KCNH5: variants seen among roughly 807,000 people sequenced by gnomAD.
KCNH5 encodes the protein voltage-gated delayed rectifier potassium channel KCNH5.
In KCNH5, 46 loss-of-function variants were observed where a neutral mutation model predicts 96.1. The observed-to-expected ratio is 0.48, with a 90% CI of 0.38 to 0.61. The LOEUF (loss-of-function observed/expected upper bound fraction) is 0.61. Ranked by LOEUF, KCNH5 falls within the 20% of genes least tolerant of loss-of-function variation. The probability of loss-of-function intolerance (pLI) is 0.00; values close to 1 mark genes in which losing one functional copy is unlikely to be tolerated. For missense variants in KCNH5, 907 were observed against 1,225.8 expected (o/e 0.74, Z 3.88); for synonymous variants, 439 against 449.8 (o/e 0.98, Z 0.30).
At chr14:62,950,868 A>G (rs1239390689) in intron 6 of KCNH5, among the ~76,000 whole-genome samples, 1 of 152,172 alleles carries the variant, frequency 6.6e-6, no homozygotes, top group African/African-American at 2.4e-5. Context: ...GAAGATGAAA[A>G]TTGCTCAAAT....
intron 9 of KCNH5, among the ~76,000 whole-genome samples, chr14:62,781,008 GA>G (rs528471948): frequency 4.1e-5 from 6 of 147,616 alleles, no homozygotes; most frequent in Admixed American, 1.4e-4. Flanking sequence ...GAACTAACAG[GA>G]AAAAAAAAAG....
chr14:62,751,573 GTGCCCAAGGCATGAATTTCTTATAATTCA>G (rs1169697763), intron 10 of KCNH5, among the ~76,000 whole-genome samples: 2 of 152,142 alleles, frequency 1.3e-5, no homozygotes, highest in Non-Finnish European at 2.9e-5. Context: ...TTCTAACAGT[GTGCCCAAGGCATGAATTTCTTATAATTCA>G]TGCCCAAGGC....
intron 7 of KCNH5, among the ~76,000 whole-genome samples, chr14:62,903,245 C>G (rs887107109): frequency 7.2e-5 from 11 of 152,230 alleles, no homozygotes; most frequent in African/African-American, 2.6e-4. Context: ...ACTTCTCAAA[C>G]CACAACCTTC....
chr14:62,975,055 C>T (rs1273418280), intron 6 of KCNH5, among the ~76,000 whole-genome samples: 1 of 152,152 alleles, frequency 6.6e-6, no homozygotes, highest in African/African-American at 2.4e-5. Context: ...TTTAGCTATA[C>T]ACTCCTTTCC....
chr14:62,708,477 C>T (rs2139899716), intron 10 of KCNH5, 22 bp from the exon 11 acceptor site: 1 of 1,484,340 alleles, frequency 6.7e-7, no homozygotes, highest in Non-Finnish European at 9.2e-7. Context: ...GAGAGATAGT[C>T]ACAGCCTGAT....
At chr14:62,708,559 G>T in intron 10 of KCNH5, 104 bp from the exon 11 acceptor site, 1 of 645,902 alleles carries the variant, frequency 1.5e-6, no homozygotes, top group Non-Finnish European at 2.4e-6. Context: ...GAAAACCCTT[G>T]AATATTTGAT....
rs1285338464 is a variant in KCNH5, at chr14:62,700,271, T to C, written c.*7237A>G. ...CTCTTTCAACAAACTACAATGGATG[T>C]TTTAGGGTAAAAAAATGGTTCTAAA... On this transcript the variant is annotated 3_prime_UTR_variant, in exon 11 of 11. Transcript: ENST00000322893. 2 of 152,146 alleles carry C rather than the reference T, an allele frequency of 1.3e-5. No individual in the cohort carries two copies. Among genetic ancestry groups the C allele is most frequent in the Non-Finnish European group, 2.9e-5 (2 of 68,006 alleles). The allele number at this position is 152,146 out of a possible 1,614,324, so 9.4% of individuals were successfully genotyped here.
chr14:62,908,366 C>G (rs896824673), intron 7 of KCNH5, among the ~76,000 whole-genome samples: 1 of 152,180 alleles, frequency 6.6e-6, no homozygotes, highest in Non-Finnish European at 1.5e-5. Context: ...AATCACCTTC[C>G]TGCTTCCTGT....
chr14:63,021,550 T>C (rs1368870861), intron 1 of KCNH5, among the ~76,000 whole-genome samples: 2 of 152,162 alleles, frequency 1.3e-5, no homozygotes, highest in African/African-American at 4.8e-5. Flanking sequence ...CCACTCAGCC[T>C]ACATCTCCTC....
chr14:62,751,061 T>C (rs557782457), intron 10 of KCNH5, among the ~76,000 whole-genome samples: 81 of 152,248 alleles, frequency 5.3e-4, no homozygotes, highest in African/African-American at 1.9e-3. Context: ...GGATTCAAAG[T>C]TTGGCATACT....
chr14:62,977,240 G>A (rs1373006523), intron 6 of KCNH5, among the ~76,000 whole-genome samples: 1 of 151,936 alleles, frequency 6.6e-6, no homozygotes, highest in Non-Finnish European at 1.5e-5. Context: ...GGTGGTGCGC[G>A]CCTCTAGTCC....
At chr14:62,867,900 GA>G (rs1327433335) in intron 7 of KCNH5, among the ~76,000 whole-genome samples, 1 of 152,130 alleles carries the variant, frequency 6.6e-6, no homozygotes, top group African/African-American at 2.4e-5. Flanking sequence ...GTCTAAAACA[GA>G]AACCCCCTTA....
intron 10 of KCNH5, among the ~76,000 whole-genome samples, chr14:62,721,794 C>A (rs544581412): frequency 6.6e-6 from 1 of 152,244 alleles, no homozygotes; most frequent in East Asian, 1.9e-4. Context: ...ATATTGTTTT[C>A]CACCCTTTTC....
intron 6 of KCNH5, among the ~76,000 whole-genome samples, chr14:62,955,463 A>G (rs1459065563): frequency 6.6e-6 from 1 of 152,240 alleles, no homozygotes; most frequent in Non-Finnish European, 1.5e-5. Context: ...CCTATGTGGT[A>G]CCTATCATTA....
At chr14:62,759,198 T>C (rs2139953474) in intron 10 of KCNH5, among the ~76,000 whole-genome samples, 1 of 151,430 alleles carries the variant, frequency 6.6e-6, no homozygotes, top group East Asian at 2.0e-4. Context: ...TTTGGTAAGA[T>C]ATTAAATCTA....
At chr14:63,039,055 T>C (rs1394079786) in intron 1 of KCNH5, among the ~76,000 whole-genome samples, 2 of 152,120 alleles carry the variant, frequency 1.3e-5, no homozygotes, top group Non-Finnish European at 2.9e-5. Flanking sequence ...TTGTTATCCA[T>C]GTTTATCTGA....
chr14:62,810,707 TG>T (rs980281264), intron 8 of KCNH5, among the ~76,000 whole-genome samples: 1 of 152,022 alleles, frequency 6.6e-6, no homozygotes, highest in African/African-American at 2.4e-5. Context: ...AGGGGAAGCA[TG>T]AATAATCCAC....
At chr14:63,001,307 T>TAAA in intron 4 of KCNH5, 24 bp downstream of exon 4, 1 of 1,578,958 alleles carries the variant, frequency 6.3e-7, no homozygotes, top group Non-Finnish European at 8.6e-7. Flanking sequence ...AATTTTTCAG[T>TAAA]GTAGTAATTC....
intron 7 of KCNH5, among the ~76,000 whole-genome samples, chr14:62,925,657 T>C (rs904390438): frequency 2.6e-5 from 4 of 152,120 alleles, no homozygotes; most frequent in African/African-American, 9.7e-5. Context: ...CTTTTAGTTT[T>C]TACATTCCCA....
Sources: gnomAD v4.1 joint callset for allele counts (sites outside exome capture counted in the v4.1 genomes callset) on GRCh38, gnomAD v4.1.1 for gene constraint, MANE v1.5 for transcripts, NCBI Gene and HGNC (gene_info 2026-07-23, HGNC 2026-07-21) for gene names.